CHRM3: variants seen among roughly 807,000 people sequenced by gnomAD.
The protein encoded by CHRM3 is cholinergic receptor muscarinic 3.
Under a neutral mutation model 41.8 loss-of-function variants are expected in CHRM3, and 11 were observed. The ratio of observed to expected loss-of-function variants is 0.26; its 90% CI spans 0.17 to 0.44. The LOEUF (loss-of-function observed/expected upper bound fraction) is 0.44, where lower values mean the gene tolerates loss of function less well. CHRM3 is among the 20% of genes least tolerant of loss of function. The pLI is 1.00. For synonymous variants in CHRM3, 297 were observed against 301.4 expected, an observed-to-expected ratio of 0.99 and a Z score of 0.15; for missense variants, 571 against 745.4, an observed-to-expected ratio of 0.77 and a Z score of 2.72.
intron 1 of CHRM3, among the ~76,000 whole-genome samples, chr1:239,435,848 T>C (rs4659545): frequency 2.6e-5 from 4 of 151,852 alleles, no homozygotes; most frequent in African/African-American, 9.7e-5. Flanking sequence ...TATTTATCTA[T>C]AAGGCAATGT....
At chr1:239,840,802 C>T (rs542471777) in intron 6 of CHRM3, among the ~76,000 whole-genome samples, 1 of 152,160 alleles carries the variant, frequency 6.6e-6, no homozygotes, top group African/African-American at 2.4e-5. Flanking sequence ...GGTGTTTTCT[C>T]TCCAGAATTT....
intron 4 of CHRM3, among the ~76,000 whole-genome samples, chr1:239,675,787 C>A (rs1010177450): frequency 3.9e-5 from 6 of 152,118 alleles, no homozygotes; most frequent in Admixed American, 3.3e-4. Flanking sequence ...TAGTCTCTCA[C>A]CTTCATGATA....
chr1:239,914,392 G>A lies in CHRM3; in HGVS notation c.*5168G>A, dbSNP rs1340771771. 1 of 167,014 alleles carries A rather than the reference G, an allele frequency of 6.0e-6. No homozygotes were observed. The highest frequency in any genetic ancestry group is 1.5e-5 in the Non-Finnish European group (1 of 68,104). 10.3% of individuals were successfully genotyped at this position (167,014 alleles called of 1,614,324 possible). A position where few individuals can be genotyped will look rare whatever the true frequency, so the allele number is the denominator to read the frequency against. ...TTATCAACATTCTGTGCACATCAAT[G>A]TCCCATGCTGCTACTGTAGTCAGGA... On this transcript the variant is annotated 3_prime_UTR_variant, in exon 7 of 7. Coordinates refer to ENST00000676153, the MANE Select transcript of CHRM3 (RefSeq NM_001375978.1).
At chr1:239,520,024 T>C (rs1215588854) in intron 2 of CHRM3, among the ~76,000 whole-genome samples, 1 of 152,106 alleles carries the variant, frequency 6.6e-6, no homozygotes, top group Non-Finnish European at 1.5e-5. Flanking sequence ...AAACAACTAG[T>C]TCTTACTCTT....
At chr1:239,867,369 T>C (rs1323143544) in intron 6 of CHRM3, among the ~76,000 whole-genome samples, 5 of 152,120 alleles carry the variant, frequency 3.3e-5, no homozygotes, top group Non-Finnish European at 7.4e-5. Context: ...CCACTAGGAA[T>C]AGGGCATTTT....
intron 2 of CHRM3, among the ~76,000 whole-genome samples, chr1:239,507,442 G>A (rs1386560584): frequency 2.0e-5 from 3 of 152,180 alleles, no homozygotes; most frequent in Non-Finnish European, 4.4e-5. Flanking sequence ...CTTCTACCAT[G>A]ATTGTGAGTC....
intron 5 of CHRM3, among the ~76,000 whole-genome samples, chr1:239,782,208 G>A (rs907724050): frequency 6.6e-6 from 1 of 150,738 alleles, no homozygotes; most frequent in African/African-American, 2.4e-5. Flanking sequence ...TAAATATTTG[G>A]TAGCATTTAC....
At chr1:239,759,173 T>G (rs1419127656) in intron 5 of CHRM3, among the ~76,000 whole-genome samples, 13 of 143,582 alleles carry the variant, frequency 9.1e-5, no homozygotes, top group African/African-American at 3.3e-4. Context: ...TTTTTTGTTT[T>G]TTTTTTTTGT....
chr1:239,798,089 G>A lies in CHRM3; in HGVS notation c.-146-29163G>A, dbSNP rs535703341. Among the ~76,000 whole-genome samples, 10 of 152,164 alleles carry A rather than the reference G, an allele frequency of 6.6e-5. No homozygotes were observed. The South Asian group carries it at 1.2e-3, about 19-fold the overall frequency. The stretch of plus-strand genomic sequence containing the variant: ...CAAAACCAAATTCCACATTCTCACA[G>A]CCCAAACCTTTCATCTTTCACACCT... On this transcript the variant is annotated intron_variant, in intron 5 of 6. Transcript: ENST00000676153.
intron 5 of CHRM3, among the ~76,000 whole-genome samples, chr1:239,709,099 C>T (rs1454182274): frequency 1.3e-5 from 2 of 152,038 alleles, no homozygotes; most frequent in Non-Finnish European, 2.9e-5. Flanking sequence ...TATTTATTTG[C>T]ATATGTTTAA....
intron 2 of CHRM3, among the ~76,000 whole-genome samples, chr1:239,518,771 G>A (rs1056054700): frequency 6.6e-6 from 1 of 152,138 alleles, no homozygotes; most frequent in Admixed American, 6.5e-5. Flanking sequence ...AGGCATGGTG[G>A]CCAGGCTACC....
At chr1:239,703,521 T>C (rs1183358852) in intron 5 of CHRM3, 1 of 152,204 alleles carries the variant, frequency 6.6e-6, no homozygotes, top group Non-Finnish European at 1.5e-5. Context: ...CCAAGACATA[T>C]GCCCTCTGAC....
Position 239,908,084 on chromosome 1 carries a change from T to C in CHRM3, c.633T>C (p.Val211=). The C allele has an allele frequency of 1.2e-6, 2 of 1,614,152 alleles. No homozygotes were observed. The highest frequency in any genetic ancestry group is 1.7e-6 in the Non-Finnish European group (2 of 1,180,024). ...APAILFWQYF[V]GKRTVPPGEC... The stretch of plus-strand genomic sequence containing the variant: ...CCATCTTGTTCTGGCAATACTTTGT[T>C]GGAAAGAGAACTGTGCCTCCGGGAG... Residue 211 remains valine (V), a synonymous_variant, in exon 7 of 7, where the codon GTT becomes GTC. Coordinates refer to ENST00000676153, the MANE Select transcript of CHRM3 (RefSeq NM_001375978.1). This position sits in a 1 kb window ranked among gnomAD's most constrained non-coding sequence, Gnocchi z 7.2.
chr1:239,874,794 G>A (rs927914526), intron 6 of CHRM3, among the ~76,000 whole-genome samples: 1 of 151,812 alleles, frequency 6.6e-6, no homozygotes, highest in African/African-American at 2.4e-5. Flanking sequence ...CACCTCCCAG[G>A]TTCAAGAGAC....
chr1:239,484,877 G>A (rs1667089164), intron 1 of CHRM3, among the ~76,000 whole-genome samples: 1 of 151,934 alleles, frequency 6.6e-6, no homozygotes, highest in African/African-American at 2.4e-5. Flanking sequence ...AGTTGAAAGG[G>A]ATCTTATAAA....
chr1:239,708,459 A>T (rs1200884054), intron 5 of CHRM3, among the ~76,000 whole-genome samples: 8 of 152,058 alleles, frequency 5.3e-5, no homozygotes. Flanking sequence ...TCTCTACTCA[A>T]CACCCTCCAG....
chr1:239,720,547 C>A (rs1662864126), intron 5 of CHRM3, among the ~76,000 whole-genome samples: 1 of 151,964 alleles, frequency 6.6e-6, no homozygotes, highest in African/African-American at 2.4e-5. Flanking sequence ...GAAAGCTAAG[C>A]ATGAACATAT....
intron 1 of CHRM3, among the ~76,000 whole-genome samples, chr1:239,473,904 A>G (rs1029568378): frequency 6.6e-6 from 1 of 152,044 alleles, no homozygotes; most frequent in Non-Finnish European, 1.5e-5. Flanking sequence ...TAAATATAAA[A>G]TTTAGGATAG....
intron 5 of CHRM3, among the ~76,000 whole-genome samples, chr1:239,795,445 C>T (rs182952374): frequency 8.3e-4 from 127 of 152,260 alleles, no homozygotes; most frequent in African/African-American, 2.9e-3. Flanking sequence ...CCCCTTATGC[C>T]AGGGGTTAGC....
Sources: gnomAD v4.1 joint callset for allele counts (sites outside exome capture counted in the v4.1 genomes callset) on GRCh38, gnomAD v4.1.1 for gene constraint, Gnocchi (gnomAD v3.1) non-coding constraint, MANE v1.5 for transcripts, NCBI Gene and HGNC (gene_info 2026-07-23, HGNC 2026-07-21) for gene names.